ACOT13: variants seen among roughly 807,000 people sequenced by gnomAD.
ACOT13 encodes the protein acyl-coenzyme A thioesterase 13.
A neutral mutation model predicts 11.8 loss-of-function variants in ACOT13; 10 were observed. The ratio of observed to expected loss-of-function variants is 0.85; its 90% CI spans 0.53 to 1.44. The LOEUF (loss-of-function observed/expected upper bound fraction) is 1.44. ACOT13 is among the 40% of genes most tolerant of loss of function. The pLI is 0.00. For missense variants in ACOT13, 172 were observed against 174.1 expected, an observed-to-expected ratio of 0.99 and a Z score of 0.07; for synonymous variants, 53 against 61.0, an observed-to-expected ratio of 0.87 and a Z score of 0.61.
intron 1 of ACOT13, among the ~76,000 whole-genome samples, chr6:24,681,945 G>A (rs779974017): frequency 3.5e-4 from 54 of 152,362 alleles, no homozygotes; most frequent in Middle Eastern, 3.4e-3. Context: ...CGACTGTTGA[G>A]TAGAGACTTC....
intron 1 of ACOT13, among the ~76,000 whole-genome samples, chr6:24,692,007 T>C (rs1462174905): frequency 1.3e-5 from 2 of 152,212 alleles, no homozygotes; most frequent in African/African-American, 2.4e-5. Context: ...ATGGGGATGG[T>C]GGCAAGGGCA....
chr6:24,672,781 G>A (rs1011121183), intron 1 of ACOT13, among the ~76,000 whole-genome samples: 14 of 152,202 alleles, frequency 9.2e-5, no homozygotes, highest in East Asian at 1.9e-4. Context: ...TGCCTTTGAC[G>A]TTAATCATTA....
chr6:24,700,035 T>C (rs1031299289), intron 2 of ACOT13, among the ~76,000 whole-genome samples: 1 of 152,228 alleles, frequency 6.6e-6, no homozygotes, highest in Non-Finnish European at 1.5e-5. Flanking sequence ...GATTCACTCT[T>C]TGATTTACTT....
At chr6:24,682,550 C>A (rs930488218) in intron 1 of ACOT13, among the ~76,000 whole-genome samples, 1 of 152,204 alleles carries the variant, frequency 6.6e-6, no homozygotes, top group Non-Finnish European at 1.5e-5. Flanking sequence ...AGGCACTTAG[C>A]TGTGCAGGAA....
intron 1 of ACOT13, among the ~76,000 whole-genome samples, chr6:24,681,183 C>CT (rs34288242): frequency 3.3e-4 from 50 of 151,702 alleles, no homozygotes; most frequent in Middle Eastern, 6.8e-3. Context: ...TACCTTTTTG[C>CT]TTTTTTTTTA....
intron 1 of ACOT13, among the ~76,000 whole-genome samples, chr6:24,670,318 G>T (rs1460854476): frequency 2.0e-5 from 3 of 152,192 alleles, no homozygotes; most frequent in Non-Finnish European, 2.9e-5. Flanking sequence ...CCATGGATTT[G>T]TACCATCAAA....
intron 2 of ACOT13, 166 bp from the exon 3 acceptor site, chr6:24,701,293 G>A: frequency 2.1e-6 from 1 of 481,556 alleles, no homozygotes; most frequent in Admixed American, 4.2e-5. Context: ...AATAGAACCT[G>A]GTTAGGACCA....
At chr6:24,685,979 G>C (rs1778624392) in intron 1 of ACOT13, among the ~76,000 whole-genome samples, 1 of 151,952 alleles carries the variant, frequency 6.6e-6, no homozygotes. Context: ...AATTGCTTGA[G>C]GGCAGGAGTT....
In ACOT13 at chr6:24,667,116, T is replaced by C. The variant is rs1263555842; in HGVS notation, c.-148T>C. Reference sequence around the variant, plus strand: ...GGACCACCGGGGCTGCCAGCTCGCCTGACTCCCGGCCTCTTGCGCTCCTAG... The same window carrying C: ...GGACCACCGGGGCTGCCAGCTCGCCCGACTCCCGGCCTCTTGCGCTCCTAG... On this transcript the variant is annotated 5_prime_UTR_variant, in exon 1 of 3. Coordinates refer to ENST00000230048, the MANE Select transcript of ACOT13 (RefSeq NM_018473.4). 6.6e-6 allele frequency: 6 copies of C among 904,408 alleles called. No individual in the cohort carries two copies. The highest frequency in any genetic ancestry group is 5.0e-5 in the African/African-American group (3 of 59,490). 56.0% of individuals were successfully genotyped at this position (904,408 alleles called of 1,614,324 possible).
chr6:24,670,228 G>C (rs950694976), intron 1 of ACOT13, among the ~76,000 whole-genome samples: 7 of 152,102 alleles, frequency 4.6e-5, no homozygotes, highest in African/African-American at 1.4e-4. Context: ...TTTTCACATA[G>C]GCTTTTTAAA....
At chr6:24,680,840 TTATG>T (rs1300471687) in intron 1 of ACOT13, among the ~76,000 whole-genome samples, 4 of 152,182 alleles carry the variant, frequency 2.6e-5, no homozygotes, top group Non-Finnish European at 5.9e-5. Context: ...AGTCTTTTGA[TTATG>T]TAAGTATGGG....
In ACOT13 at chr6:24,687,366, G is replaced by A. The variant is rs932398105; in HGVS notation, c.82-10517G>A. ...GTAAATAAATATGCTTAACATTATCGTGTTTAAGTTAGTTGCCATTGAAAC... is the reference window on the plus strand; with the variant it reads ...GTAAATAAATATGCTTAACATTATCATGTTTAAGTTAGTTGCCATTGAAAC... On this transcript the variant is annotated intron_variant, in intron 1 of 2. Coordinates refer to ENST00000230048, the MANE Select transcript of ACOT13 (RefSeq NM_018473.4). 18 of 1,030,040 alleles carry A rather than the reference G, an allele frequency of 1.7e-5. No homozygotes were observed. In the South Asian group the frequency reaches 2.7e-4, roughly 16 times the overall value. 63.8% of individuals were successfully genotyped at this position (1,030,040 alleles called of 1,614,324 possible). A position where few individuals can be genotyped will look rare whatever the true frequency, so the allele number is the denominator to read the frequency against.
At position 24,672,733 on chromosome 6, in the gene ACOT13, C is replaced by G. The variant is rs939362734; in HGVS notation, c.81+5389C>G. Among the ~76,000 whole-genome samples the G allele has an allele frequency of 4.6e-5, 7 of 152,206 alleles. 1 individual carries two copies. The highest frequency in any genetic ancestry group is 4.1e-4 in the South Asian group (2 of 4,832). ...AATGTGTCAAGAAAACCTTGTTAAT[C>G]TGATTACAGGGGCCCATAAGCTGAT... On this transcript the variant is annotated intron_variant, in intron 1 of 2. Transcript: ENST00000230048.
chr6:24,684,020 GT>G (rs1307996932), intron 1 of ACOT13, among the ~76,000 whole-genome samples: 2 of 151,874 alleles, frequency 1.3e-5, no homozygotes, highest in Non-Finnish European at 2.9e-5. Context: ...ATGCATGTCT[GT>G]TTTTCTGATT....
At chr6:24,695,038 G>C (rs1028451742) in intron 1 of ACOT13, among the ~76,000 whole-genome samples, 1 of 152,128 alleles carries the variant, frequency 6.6e-6, no homozygotes, top group Non-Finnish European at 1.5e-5. Flanking sequence ...CTGAGGCGCG[G>C]TGGCTCATGC....
At chr6:24,686,055 A>G (rs999404622) in intron 1 of ACOT13, among the ~76,000 whole-genome samples, 60 of 152,106 alleles carry the variant, frequency 3.9e-4, no homozygotes, top group Non-Finnish European at 7.9e-4. Flanking sequence ...AAAAAAAAAA[A>G]GGTTAACCGT....
At chr6:24,698,130 A>G (rs1017083065) in intron 2 of ACOT13, 63 bp downstream of exon 2, 21 of 1,369,534 alleles carry the variant, frequency 1.5e-5, no homozygotes, top group Admixed American at 2.8e-5. Flanking sequence ...AACTGAGACT[A>G]AACACATTTA....
At chr6:24,687,562 G>A (rs1778652281) in intron 1 of ACOT13, 2 of 1,437,386 alleles carry the variant, frequency 1.4e-6, no homozygotes, top group Non-Finnish European at 1.8e-6. Flanking sequence ...AGTGATGAAG[G>A]TGAATACCTG....
intron 2 of ACOT13, among the ~76,000 whole-genome samples, chr6:24,698,488 AC>A (rs1778835536): frequency 6.6e-6 from 1 of 152,058 alleles, no homozygotes. Context: ...GGAGTTCAAG[AC>A]CCCCATCTCT....
Sources: allele counts gnomAD v4.1 joint callset (sites outside exome capture counted in the v4.1 genomes callset), GRCh38; gene constraint gnomAD v4.1.1; transcripts MANE v1.5; gene names NCBI Gene and HGNC (gene_info 2026-07-23, HGNC 2026-07-21).